The following TOX variants were observed in gnomAD, a reference collection of about 807,000 sequenced individuals.
TOX encodes thymocyte selection-associated high mobility group box protein TOX.
In TOX, 11 loss-of-function variants were observed where a neutral mutation model predicts 53.7. The observed-to-expected ratio is 0.20, with a 90% CI of 0.13 to 0.34. TOX has a LOEUF of 0.34. Ranked by LOEUF, TOX falls within the 10% of genes least tolerant of loss-of-function variation. The pLI is 1.00. For synonymous variants in TOX, 225 were observed against 245.3 expected, an observed-to-expected ratio of 0.92 and a Z score of 0.77; for missense variants, 570 against 664.6, an observed-to-expected ratio of 0.86 and a Z score of 1.56.
At chr8:58,932,035 C>T (rs1812263269) in intron 3 of TOX, among the ~76,000 whole-genome samples, 1 of 152,040 alleles carries the variant, frequency 6.6e-6, no homozygotes, top group South Asian at 2.1e-4. Context: ...TATATCAATA[C>T]CACATTCAAA....
chr8:59,092,702 C>G (rs1011954722), intron 1 of TOX, among the ~76,000 whole-genome samples: 4 of 152,062 alleles, frequency 2.6e-5, no homozygotes, highest in Non-Finnish European at 5.9e-5. Context: ...ACTGTTTCTT[C>G]TCTTTCCATC....
intron 3 of TOX, among the ~76,000 whole-genome samples, chr8:58,860,687 G>A (rs185994681): frequency 2.0e-5 from 3 of 152,264 alleles, no homozygotes; most frequent in Non-Finnish European, 4.4e-5. Flanking sequence ...GACCTTCCCT[G>A]GGATAAGCAG....
At chr8:59,021,481 A>AAAAAAAAAAAAAATATATAT (rs59174995) in intron 1 of TOX, among the ~76,000 whole-genome samples, 1 of 64,736 alleles carries the variant, frequency 1.5e-5, no homozygotes, top group Non-Finnish European at 3.1e-5. Context: ...AAAAAAAAAA[A>AAAAAAAAAAAAAATATATAT]ATATATATAT....
At chr8:59,107,263 A>C (rs1804930514) in intron 1 of TOX, among the ~76,000 whole-genome samples, 1 of 152,186 alleles carries the variant, frequency 6.6e-6, no homozygotes, top group South Asian at 2.1e-4. Flanking sequence ...CTCTGTAGAA[A>C]ATATTATGCA....
intron 1 of TOX, among the ~76,000 whole-genome samples, chr8:59,064,636 G>A (rs1305065752): frequency 6.6e-6 from 1 of 151,938 alleles, no homozygotes; most frequent in Non-Finnish European, 1.5e-5. Context: ...CTATTCTAGG[G>A]AACATGAAAT....
chr8:59,092,592 G>A (rs75856029), intron 1 of TOX, among the ~76,000 whole-genome samples: 14 of 151,624 alleles, frequency 9.2e-5, no homozygotes, highest in African/African-American at 3.4e-4. Flanking sequence ...GCTCTTTAAC[G>A]TAACTCAAGA....
intron 1 of TOX, among the ~76,000 whole-genome samples, chr8:59,068,145 G>T (rs192839942): frequency 1.3e-5 from 2 of 152,102 alleles, no homozygotes; most frequent in Non-Finnish European, 2.9e-5. Context: ...TGCATATTTA[G>T]CATTCAATAG....
chr8:58,893,218 A>C (rs369520223), intron 3 of TOX, among the ~76,000 whole-genome samples: 1 of 144,816 alleles, frequency 6.9e-6, no homozygotes, highest in Admixed American at 6.8e-5. Flanking sequence ...TCTCCCCCCC[A>C]CAAAACACAG....
intron 3 of TOX, among the ~76,000 whole-genome samples, chr8:58,925,065 C>T (rs1015878734): frequency 6.6e-6 from 1 of 152,198 alleles, no homozygotes; most frequent in Non-Finnish European, 1.5e-5. Flanking sequence ...AGCCCCCAAC[C>T]CTCGGCCTGC....
intron 1 of TOX, among the ~76,000 whole-genome samples, chr8:59,061,176 C>A (rs1269641681): frequency 1.3e-5 from 2 of 152,074 alleles, no homozygotes; most frequent in Admixed American, 1.3e-4. Flanking sequence ...AAATTGTAAA[C>A]CAAATCTGTG....
intron 3 of TOX, among the ~76,000 whole-genome samples, chr8:58,881,091 A>G (rs1286628708): frequency 1.3e-5 from 2 of 152,050 alleles, no homozygotes; most frequent in African/African-American, 4.8e-5. Context: ...GGATTGAGCT[A>G]TAAAGATTCA....
chr8:59,054,802 C>G lies in TOX; in HGVS notation c.102+64084G>C, dbSNP rs138644101. Among the ~76,000 whole-genome samples, 53 of 98,258 alleles carry G rather than the reference C, an allele frequency of 5.4e-4. 1 individual carries two copies. The highest frequency in any genetic ancestry group is 2.0e-3 in the African/African-American group (51 of 25,386). The allele number at this position is 98,258 out of a possible 152,430, so 64.5% of individuals were successfully genotyped here. ...AGGAAGAAAAAGAAAGAGAAAAAGA[C>G]AGAGAGAGAAGGAAGAAAGAGAGAA... On this transcript the variant is annotated intron_variant, in intron 1 of 8. Transcript: ENST00000361421.
intron 5 of TOX, 123 bp from the exon 6 acceptor site, chr8:58,827,025 T>G: frequency 2.0e-6 from 1 of 506,482 alleles, no homozygotes; most frequent in Admixed American, 4.4e-5. Flanking sequence ...TAATAATATA[T>G]ATCTCCCCAA....
intron 1 of TOX, among the ~76,000 whole-genome samples, chr8:59,080,270 T>C (rs7833184): frequency 0.28 from 43,176 of 152,012 alleles, 10,272 homozygotes; most frequent in African/African-American, 0.65. Flanking sequence ...CGTGAGCCAC[T>C]GCACCCAGCC....
chr8:58,948,712 T>C (rs888170926), intron 2 of TOX, among the ~76,000 whole-genome samples: 1 of 73,418 alleles, frequency 1.4e-5, no homozygotes, highest in Non-Finnish European at 3.2e-5. Flanking sequence ...TGCAATCTAT[T>C]TTTTTTAGTC....
At chr8:58,911,703 C>CA (rs1417914908) in intron 3 of TOX, among the ~76,000 whole-genome samples, 2 of 151,260 alleles carry the variant, frequency 1.3e-5, no homozygotes, top group Non-Finnish European at 2.9e-5. Flanking sequence ...CAAAACTTTT[C>CA]TTTTTTTTTC....
At chr8:59,101,471 G>T (rs2129424405) in intron 1 of TOX, among the ~76,000 whole-genome samples, 1 of 152,222 alleles carries the variant, frequency 6.6e-6, no homozygotes, top group Middle Eastern at 3.4e-3. Context: ...ACATCTCTTA[G>T]TCATTAATTT....
chr8:58,902,255 T>C (rs111307354), intron 3 of TOX, among the ~76,000 whole-genome samples: 2,327 of 152,330 alleles, frequency 0.015, 54 homozygotes, highest in African/African-American at 0.053. Flanking sequence ...CATTTAACTC[T>C]TGCATTTACT....
intron 5 of TOX, among the ~76,000 whole-genome samples, chr8:58,830,480 C>A (rs867945807): frequency 2.0e-5 from 3 of 152,210 alleles, no homozygotes; most frequent in East Asian, 1.9e-4. Context: ...CGTTTTCATA[C>A]GCTTATAATC....
Sources: allele counts gnomAD v4.1 joint callset (sites outside exome capture counted in the v4.1 genomes callset), GRCh38; gene constraint gnomAD v4.1.1; transcripts MANE v1.5; gene names NCBI Gene and HGNC (gene_info 2026-07-23, HGNC 2026-07-21).